CFAP206: variants seen among roughly 807,000 people sequenced by gnomAD.
CFAP206 encodes the protein cilia and flagella associated protein 206, also known as cilia- and flagella-associated protein 206.
CFAP206 carries 53 observed loss-of-function variants against 65.4 expected under a neutral mutation model. The observed-to-expected ratio is 0.81, with a 90% CI of 0.65 to 1.02. The LOEUF (loss-of-function observed/expected upper bound fraction) is 1.02, where lower values mean the gene tolerates loss of function less well. CFAP206 is among the 50% of genes least tolerant of loss of function. The pLI, the probability that CFAP206 is intolerant of heterozygous loss-of-function variation, is 0.00. For synonymous variants in CFAP206, 250 were observed against 254.4 expected, an observed-to-expected ratio of 0.98 and a Z score of 0.17; for missense variants, 663 against 753.2, an observed-to-expected ratio of 0.88 and a Z score of 1.40.
chr6:87,464,399 A>G lies in CFAP206; in HGVS notation c.*149A>G. The G allele has an allele frequency of 2.0e-6, 1 of 492,362 alleles. No homozygotes were observed. The highest frequency in any genetic ancestry group is 3.5e-6 in the Non-Finnish European group (1 of 289,388). 30.5% of individuals were successfully genotyped at this position (492,362 alleles called of 1,614,324 possible). On this transcript the variant is annotated 3_prime_UTR_variant, in exon 13 of 13. Coordinates refer to ENST00000369562, the MANE Select transcript of CFAP206 (RefSeq NM_001031743.3). Reference sequence around the variant, plus strand: ...TTATTGGGTTCCCATATTTTATCAAACTGTTTTCTGTAACACATTTTTCAT... The same window carrying G: ...TTATTGGGTTCCCATATTTTATCAAGCTGTTTTCTGTAACACATTTTTCAT...
chr6:87,416,914 C>G, intron 6 of CFAP206, 87 bp downstream of exon 6: 1 of 1,103,912 alleles, frequency 9.1e-7, no homozygotes, highest in Non-Finnish European at 1.3e-6. Flanking sequence ...CAACACACCA[C>G]TGGCATTCTT....
At position 87,413,901 on chromosome 6, in the gene CFAP206, G is replaced by A. The variant is rs899057027; in HGVS notation, c.283+1G>A. On this transcript the variant is annotated splice_donor_variant, in intron 4 of 12. Coordinates refer to ENST00000369562, the MANE Select transcript of CFAP206 (RefSeq NM_001031743.3). LOFTEE classifies it high-confidence loss of function. ...TTCGATATGAATTATACGAATCGAGGTAATGTATACTACCTATTTTTATAC... is the reference window on the plus strand; with the variant it reads ...TTCGATATGAATTATACGAATCGAGATAATGTATACTACCTATTTTTATAC... The A allele has an allele frequency of 6.7e-6, 10 of 1,497,124 alleles. No homozygotes were observed. The African/African-American group carries it at 7.3e-5, about 11-fold the overall frequency. The allele number at this position is 1,497,124 out of a possible 1,614,324, so 92.7% of individuals were successfully genotyped here. A position where few individuals can be genotyped will look rare whatever the true frequency, so the allele number is the denominator to read the frequency against.
chr6:87,413,652 C>A (rs1457217747), intron 3 of CFAP206, among the ~76,000 whole-genome samples, 158 bp from the exon 4 acceptor site: 1 of 151,838 alleles, frequency 6.6e-6, no homozygotes, highest in East Asian at 1.9e-4. Context: ...AACTATAAAG[C>A]CTGAAGTCCT....
At chr6:87,445,460 G>T (rs530059908) in intron 11 of CFAP206, among the ~76,000 whole-genome samples, 1 of 152,156 alleles carries the variant, frequency 6.6e-6, no homozygotes, top group East Asian at 1.9e-4. Context: ...CGTGGTGTTT[G>T]GTTTGCTGTT....
chr6:87,411,183 G>A (rs1347698363), intron 3 of CFAP206, among the ~76,000 whole-genome samples: 1 of 152,212 alleles, frequency 6.6e-6, no homozygotes, highest in African/African-American at 2.4e-5. Context: ...CAGTATTTTA[G>A]TGAAACCTTG....
At chr6:87,422,233 G>A (rs1296506410) in intron 7 of CFAP206, among the ~76,000 whole-genome samples, 1 of 151,822 alleles carries the variant, frequency 6.6e-6, no homozygotes, top group Non-Finnish European at 1.5e-5. Flanking sequence ...CGGATCACCT[G>A]AGGTCAGGAG....
intron 5 of CFAP206, among the ~76,000 whole-genome samples, chr6:87,416,128 T>TA (rs1767827039): frequency 6.6e-6 from 1 of 152,168 alleles, no homozygotes; most frequent in Admixed American, 6.6e-5. Flanking sequence ...AGGCACCTAT[T>TA]ACACCCCATT....
At chr6:87,462,888 A>G (rs1166710469) in intron 12 of CFAP206, among the ~76,000 whole-genome samples, 1 of 152,204 alleles carries the variant, frequency 6.6e-6, no homozygotes, top group Admixed American at 6.5e-5. Flanking sequence ...GGATAAGACA[A>G]AGCTGAGTTT....
chr6:87,434,499 TTTC>T (rs1244184227), intron 10 of CFAP206, among the ~76,000 whole-genome samples: 242 of 124,414 alleles, frequency 1.9e-3, no homozygotes, highest in African/African-American at 6.6e-3. Flanking sequence ...TCTTTTTCTT[TTTC>T]TTTTTTTTTT....
At chr6:87,449,918 A>G (rs1562009590) in intron 11 of CFAP206, among the ~76,000 whole-genome samples, 1 of 152,140 alleles carries the variant, frequency 6.6e-6, no homozygotes, top group East Asian at 1.9e-4. Context: ...GCCCTGAAAC[A>G]TTCTTCCAGT....
chr6:87,412,640 TTTTAA>T (rs1245075508), intron 3 of CFAP206, among the ~76,000 whole-genome samples: 8 of 152,008 alleles, frequency 5.3e-5, no homozygotes, highest in Non-Finnish European at 1.0e-4. Flanking sequence ...AGCTTTTTAA[TTTTAA>T]TTTAATTTAA....
intron 5 of CFAP206, among the ~76,000 whole-genome samples, chr6:87,416,279 A>G (rs1186694023): frequency 1.3e-5 from 2 of 152,342 alleles, no homozygotes; most frequent in East Asian, 3.9e-4. Flanking sequence ...TTTTATCCTT[A>G]GGAAGTCTTT....
At chr6:87,430,676 C>T (rs1433572407) in intron 9 of CFAP206, among the ~76,000 whole-genome samples, 1 of 152,182 alleles carries the variant, frequency 6.6e-6, no homozygotes, top group Admixed American at 6.5e-5. Context: ...GTTATTTACT[C>T]TGCAGCAGCA....
intron 7 of CFAP206, among the ~76,000 whole-genome samples, chr6:87,422,451 G>GA (rs754181099): frequency 0.019 from 1,103 of 58,962 alleles, 6 homozygotes; most frequent in Non-Finnish European, 0.023. Flanking sequence ...ACTCCATCTC[G>GA]AAAAAAAAAA....
chr6:87,425,179 C>T lies in CFAP206; in HGVS notation c.841-1347C>T, dbSNP rs555381129. Among the ~76,000 whole-genome samples, 9 of 152,250 alleles carry T rather than the reference C, an allele frequency of 5.9e-5. No individual in the cohort carries two copies. In the South Asian group the frequency reaches 1.2e-3, roughly 21 times the overall value. On this transcript the variant is annotated intron_variant, in intron 7 of 12. Coordinates refer to ENST00000369562, the MANE Select transcript of CFAP206 (RefSeq NM_001031743.3). The stretch of plus-strand genomic sequence containing the variant: ...AAAAATGCCTTCCAACAAGCATTCA[C>T]GTGAAACTTTTAGTTTCTTGAAAAA...
At position 87,410,000 on chromosome 6, in the gene CFAP206, G is replaced by C. The variant is rs1346470507; in HGVS notation, c.108+53G>C. 4.8e-6 allele frequency: 6 copies of C among 1,239,158 alleles called. No individual in the cohort carries two copies. The African/African-American group carries it at 7.5e-5, about 16-fold the overall frequency. 76.8% of individuals were successfully genotyped at this position (1,239,158 alleles called of 1,614,324 possible). On this transcript the variant is annotated intron_variant, in intron 2 of 12. Coordinates refer to ENST00000369562, the MANE Select transcript of CFAP206 (RefSeq NM_001031743.3). ...GTTTTATTAAGAGGTTTTTTAAGAT[G>C]TGGTGTCCATTTTCCCCTTTAAATT...
chr6:87,448,952 A>G (rs1768493857), intron 11 of CFAP206, among the ~76,000 whole-genome samples: 1 of 152,102 alleles, frequency 6.6e-6, no homozygotes, highest in Non-Finnish European at 1.5e-5. Context: ...TGTGAGTAGT[A>G]CTGTGATAAA....
chr6:87,413,962 G>T, intron 4 of CFAP206, 62 bp downstream of exon 4: 2 of 754,116 alleles, frequency 2.7e-6, no homozygotes, highest in Non-Finnish European at 4.0e-6. Context: ...GCTAAGAAGG[G>T]CTTCATTTGG....
At chr6:87,409,735 A>T in intron 1 of CFAP206, 100 bp from the exon 2 acceptor site, 1 of 728,206 alleles carries the variant, frequency 1.4e-6, no homozygotes, top group Non-Finnish European at 2.3e-6. Context: ...AGATGATATT[A>T]TGACTGTTTA....
Sources: allele counts gnomAD v4.1 joint callset (sites outside exome capture counted in the v4.1 genomes callset), GRCh38; gene constraint gnomAD v4.1.1; transcripts MANE v1.5; gene names NCBI Gene and HGNC (gene_info 2026-07-23, HGNC 2026-07-21).